FBXO42: variants seen among roughly 807,000 people sequenced by gnomAD.
The protein encoded by FBXO42 is F-box only protein 42.
In FBXO42, 12 loss-of-function variants were observed where a neutral mutation model predicts 71.7. The observed-to-expected ratio is 0.17, with a 90% CI of 0.11 to 0.27. FBXO42 has a LOEUF of 0.27. Ranked by LOEUF, FBXO42 falls within the 10% of genes least tolerant of loss-of-function variation. FBXO42 has a pLI of 1.00. For synonymous variants in FBXO42, 325 were observed against 327.5 expected (o/e 0.99, Z 0.08); for missense variants, 707 against 911.9 (o/e 0.78, Z 2.89).
chr1:16,346,692 A>G (rs548728695), intron 1 of FBXO42, among the ~76,000 whole-genome samples: 107 of 134,360 alleles, frequency 8.0e-4, no homozygotes, highest in South Asian at 1.4e-3. Flanking sequence ...CGTCTCGGGG[A>G]AAAAAAAAAA....
At chr1:16,301,670 CAA>C (rs1242029876) in intron 3 of FBXO42, among the ~76,000 whole-genome samples, 2 of 67,392 alleles carry the variant, frequency 3.0e-5, no homozygotes. Context: ...GACCCCATCT[CAA>C]AAAAAAAAAA....
intron 1 of FBXO42, among the ~76,000 whole-genome samples, chr1:16,332,050 C>CAA (rs906418408): frequency 2.9e-5 from 4 of 137,396 alleles, no homozygotes; most frequent in African/African-American, 5.3e-5. Flanking sequence ...ACTCCATCTC[C>CAA]AAAAAAAAAA....
chr1:16,348,155 T>C (rs2082669311), intron 1 of FBXO42, among the ~76,000 whole-genome samples: 2 of 152,144 alleles, frequency 1.3e-5, no homozygotes, highest in African/African-American at 4.8e-5. Flanking sequence ...CACATCACCT[T>C]CACTTTTCCA....
intron 3 of FBXO42, among the ~76,000 whole-genome samples, chr1:16,303,836 C>G (rs1569889468): frequency 6.6e-6 from 1 of 152,094 alleles, no homozygotes; most frequent in African/African-American, 2.4e-5. Flanking sequence ...AGCTCCACCC[C>G]CTGGATTCAC....
At chr1:16,344,596 A>G (rs1380052718) in intron 1 of FBXO42, among the ~76,000 whole-genome samples, 1 of 150,406 alleles carries the variant, frequency 6.6e-6, no homozygotes, top group East Asian at 2.0e-4. Context: ...TCAGCCTCCC[A>G]AAGTGCTGGG....
intron 4 of FBXO42, among the ~76,000 whole-genome samples, chr1:16,282,897 C>T (rs1301973737): frequency 1.3e-5 from 2 of 151,786 alleles, no homozygotes; most frequent in African/African-American, 4.8e-5. Context: ...AGGAGAACTG[C>T]TTGAACCCAG....
chr1:16,259,684 T>C, intron 4 of FBXO42, among the ~76,000 whole-genome samples: 1 of 149,716 alleles, frequency 6.7e-6, no homozygotes, highest in Non-Finnish European at 1.5e-5. Flanking sequence ...AAGAATTGCT[T>C]GAAACTAGGA....
At chr1:16,275,822 A>C (rs1027378315) in intron 4 of FBXO42, among the ~76,000 whole-genome samples, 3 of 152,002 alleles carry the variant, frequency 2.0e-5, no homozygotes, top group Non-Finnish European at 4.4e-5. Context: ...CAGCCTGGCC[A>C]ACATGGCAAA....
chr1:16,298,392 T>TA (rs1300253098), intron 3 of FBXO42, among the ~76,000 whole-genome samples: 1 of 152,176 alleles, frequency 6.6e-6, no homozygotes, highest in Non-Finnish European at 1.5e-5. Context: ...CTAGTAATCC[T>TA]AAAAAATGGG....
chr1:16,350,773 G>GA (rs1256546536), intron 1 of FBXO42, among the ~76,000 whole-genome samples: 3 of 142,448 alleles, frequency 2.1e-5, no homozygotes, highest in Admixed American at 7.1e-5. Flanking sequence ...AAGAAAGAAA[G>GA]AAAGAAAGAA....
In FBXO42 at chr1:16,252,117, G is replaced by A. The variant is rs1422109340; in HGVS notation, c.1038+171C>T. Among the ~76,000 whole-genome samples the A allele has an allele frequency of 6.6e-6, 1 of 152,184 alleles. No individual in the cohort carries two copies. Among genetic ancestry groups the A allele is most frequent in the Admixed American group, 6.5e-5 (1 of 15,280 alleles). Reference sequence around the variant, plus strand: ...TACTGAATGAGTAGGGCCCCTGTAAGTTTTCCCATTTAGTGAGAAATGCCA... The same window carrying A: ...TACTGAATGAGTAGGGCCCCTGTAAATTTTCCCATTTAGTGAGAAATGCCA... On this transcript the variant is annotated intron_variant, in intron 9 of 9. Transcript: ENST00000375592. This position sits in a 1 kb window ranked among gnomAD's most constrained non-coding sequence, Gnocchi z 4.4.
At chr1:16,340,442 T>A (rs1372590377) in intron 1 of FBXO42, among the ~76,000 whole-genome samples, 2 of 151,864 alleles carry the variant, frequency 1.3e-5, no homozygotes, top group East Asian at 3.9e-4. Context: ...TGCCTCAGCC[T>A]CCCGAGTAGC....
chr1:16,307,650 GAATTTGAAATTAAAACACAT>G (rs1321997000), intron 2 of FBXO42, among the ~76,000 whole-genome samples: 39 of 152,080 alleles, frequency 2.6e-4, no homozygotes, highest in Middle Eastern at 3.4e-3. Context: ...TGAACAAGTA[GAATTTGAAATTAAAACACAT>G]AATTTGAAAT....
chr1:16,335,205 A>G (rs2082541512), intron 1 of FBXO42, among the ~76,000 whole-genome samples: 2 of 151,850 alleles, frequency 1.3e-5, no homozygotes, highest in Non-Finnish European at 2.9e-5. Flanking sequence ...AGGTGGGAGG[A>G]CTGTTTGAGG....
intron 1 of FBXO42, among the ~76,000 whole-genome samples, chr1:16,347,946 G>A (rs908606326): frequency 2.0e-5 from 3 of 146,570 alleles, no homozygotes; most frequent in Non-Finnish European, 3.0e-5. Flanking sequence ...CCGAGATCGC[G>A]CCACTGCACT....
chr1:16,273,466 A>G (rs1445239514), intron 4 of FBXO42, among the ~76,000 whole-genome samples: 1 of 152,170 alleles, frequency 6.6e-6, no homozygotes, highest in Non-Finnish European at 1.5e-5. Flanking sequence ...AATATCTCTT[A>G]AAGTTGACAA....
Position 16,252,488 on chromosome 1 carries a change from C to A in FBXO42, c.922-84G>T. The A allele has an allele frequency of 9.2e-7, 1 of 1,085,264 alleles. No individual in the cohort carries two copies. Among genetic ancestry groups the A allele is most frequent in the Non-Finnish European group, 1.4e-6 (1 of 712,856 alleles). The allele number at this position is 1,085,264 out of a possible 1,614,324, so 67.2% of individuals were successfully genotyped here. A position where few individuals can be genotyped will look rare whatever the true frequency, so the allele number is the denominator to read the frequency against. On this transcript the variant is annotated intron_variant, in intron 8 of 9. Coordinates refer to ENST00000375592, the MANE Select transcript of FBXO42 (RefSeq NM_018994.3). This position sits in a 1 kb window ranked among gnomAD's most constrained non-coding sequence, Gnocchi z 4.4. ...CACACAGAGTTGCAGTCTCAAAGCT[C>A]TCCTGTCTGGTCTTGAAAGGATGTG...
chr1:16,329,939 A>G (rs1449991656), intron 1 of FBXO42, among the ~76,000 whole-genome samples: 4 of 151,896 alleles, frequency 2.6e-5, no homozygotes, highest in Non-Finnish European at 4.4e-5. Context: ...ACAGAGCAAG[A>G]TACCATCTCA....
intron 1 of FBXO42, among the ~76,000 whole-genome samples, chr1:16,341,608 TTA>T (rs1491258517): frequency 0.03 from 2,152 of 70,744 alleles, 55 homozygotes; most frequent in African/African-American, 0.095. Flanking sequence ...ACTGCGTCTT[TTA>T]AAAAAAAAAA....
Sources: gnomAD v4.1 joint callset for allele counts (sites outside exome capture counted in the v4.1 genomes callset) on GRCh38, gnomAD v4.1.1 for gene constraint, Gnocchi (gnomAD v3.1) non-coding constraint, MANE v1.5 for transcripts, NCBI Gene and HGNC (gene_info 2026-07-23, HGNC 2026-07-21) for gene names.